SYT13: variants seen among roughly 807,000 people sequenced by gnomAD.
SYT13 encodes the protein synaptotagmin-13.
A neutral mutation model predicts 38.6 loss-of-function variants in SYT13; 21 were observed. That is an observed-to-expected ratio of 0.54 (90% CI 0.39 to 0.78). The LOEUF is 0.78. SYT13 is among the 30% of genes least tolerant of loss of function. SYT13 has a pLI of 0.00. For missense variants in SYT13, 495 were observed against 548.7 expected (o/e 0.90, Z 0.98); for synonymous variants, 241 against 237.6 (o/e 1.01, Z -0.13).
chr11:45,283,494 C>T (rs896413448), intron 1 of SYT13, among the ~76,000 whole-genome samples: 3 of 152,220 alleles, frequency 2.0e-5, no homozygotes, highest in African/African-American at 7.2e-5. Context: ...TTGCCACCCT[C>T]TTTACTTGCT....
Position 45,243,782 on chromosome 11 carries a change from T to C in SYT13, c.*270A>G, listed in dbSNP as rs944990827. ...TCTCTGCATCTGGCCTAACCCCACC[T>C]ATAAAACAGGCATAGGAACTGTATT... On this transcript the variant is annotated 3_prime_UTR_variant, in exon 6 of 6. Transcript: ENST00000020926. 2.6e-6 allele frequency: 1 copy of C among 391,188 alleles called. No individual in the cohort carries two copies. Among genetic ancestry groups the C allele is most frequent in the Non-Finnish European group, 4.5e-6 (1 of 220,224 alleles). 24.2% of individuals were successfully genotyped at this position (391,188 alleles called of 1,614,324 possible). A position where few individuals can be genotyped will look rare whatever the true frequency, so the allele number is the denominator to read the frequency against.
chr11:45,263,269 C>A (rs187829717), intron 1 of SYT13, among the ~76,000 whole-genome samples: 1 of 152,208 alleles, frequency 6.6e-6, no homozygotes, highest in East Asian at 1.9e-4. Context: ...TGCTGTCCTT[C>A]CCTTATGGGG....
intron 1 of SYT13, among the ~76,000 whole-genome samples, chr11:45,275,380 A>G (rs541163272): frequency 8.9e-4 from 135 of 152,240 alleles, no homozygotes; most frequent in African/African-American, 3.2e-3. Context: ...TCTCTCCTTT[A>G]CGCTTGTTTT....
At chr11:45,276,116 A>G (rs1489599999) in intron 1 of SYT13, among the ~76,000 whole-genome samples, 3 of 152,208 alleles carry the variant, frequency 2.0e-5, no homozygotes, top group Non-Finnish European at 2.9e-5. Context: ...TCATTCTTCT[A>G]TAAAGACACG....
chr11:45,272,150 A>T (rs1854957191), intron 1 of SYT13, among the ~76,000 whole-genome samples: 1 of 152,146 alleles, frequency 6.6e-6, no homozygotes, highest in African/African-American at 2.4e-5. Context: ...AACAATGAGA[A>T]CACATGGACA....
In SYT13 at chr11:45,244,354, C is replaced by T. The variant is rs1854589916; in HGVS notation, c.979G>A (p.Val327Ile). The change falls in exon 6 of 6, where the codon GTC becomes ATC. Residue 327 changes from valine to isoleucine, a missense_variant and splice_region_variant. Coordinates refer to ENST00000020926, the MANE Select transcript of SYT13 (RefSeq NM_020826.3). ...NQSKELLGKDVSVKVTLKHQA... is the reference protein window; with the variant it reads ...NQSKELLGKDISVKVTLKHQA... ...TGCTTCAAGGTCACCTTGACAGAGACATCTGGGGAGGGGCAGAGGGGAAAA... is the reference window on the plus strand; with the variant it reads ...TGCTTCAAGGTCACCTTGACAGAGATATCTGGGGAGGGGCAGAGGGGAAAA... 1.2e-6 allele frequency: 2 copies of T among 1,611,446 alleles called. No individual in the cohort carries two copies. The highest frequency in any genetic ancestry group is 8.5e-7 in the Non-Finnish European group (1 of 1,178,292).
intron 1 of SYT13, among the ~76,000 whole-genome samples, chr11:45,272,371 A>C (rs1854960045): frequency 6.6e-6 from 1 of 152,244 alleles, no homozygotes; most frequent in Non-Finnish European, 1.5e-5. Flanking sequence ...AGAAAAAAGC[A>C]GAACCCCTGT....
chr11:45,277,222 TG>T (rs1288394894), intron 1 of SYT13, among the ~76,000 whole-genome samples: 10 of 149,586 alleles, frequency 6.7e-5, no homozygotes, highest in African/African-American at 2.6e-4. Context: ...AAAAACAGAT[TG>T]GAGGAGGGCG....
intron 2 of SYT13, 144 bp from the exon 3 acceptor site, chr11:45,254,548 G>T: frequency 1.7e-6 from 2 of 1,167,594 alleles, no homozygotes; most frequent in Non-Finnish European, 2.3e-6. Flanking sequence ...GCCACACCAA[G>T]ACAACAGGTG....
intron 4 of SYT13, among the ~76,000 whole-genome samples, chr11:45,251,829 C>A (rs1854680219): frequency 6.6e-6 from 1 of 152,228 alleles, no homozygotes; most frequent in South Asian, 2.1e-4. Context: ...CATGGACCAC[C>A]GGGCTCTGGG....
At chr11:45,277,622 G>A (rs543091706) in intron 1 of SYT13, among the ~76,000 whole-genome samples, 44 of 151,964 alleles carry the variant, frequency 2.9e-4, no homozygotes, top group African/African-American at 8.9e-4. Context: ...CCAGGCCCTC[G>A]TAAATGTTAG....
intron 1 of SYT13, among the ~76,000 whole-genome samples, chr11:45,269,964 T>G (rs1854929834): frequency 6.6e-6 from 1 of 152,216 alleles, no homozygotes; most frequent in Non-Finnish European, 1.5e-5. Context: ...ACTCATAAAC[T>G]GATGTATTTT....
At position 45,255,729 on chromosome 11, in the gene SYT13, G is replaced by C; in HGVS notation, c.346C>G (p.Pro116Ala). 1.2e-6 allele frequency: 2 copies of C among 1,614,154 alleles called. No homozygotes were observed. The highest frequency in any genetic ancestry group is 1.7e-6 in the Non-Finnish European group (2 of 1,180,018). The change falls in exon 2 of 6, where the codon CCC becomes GCC. Residue 116 changes from proline (P) to alanine (A), a missense_variant. Pro to Ala is a conservative substitution (Grantham distance 27). Transcript: ENST00000020926. The stretch of plus-strand genomic sequence containing the variant: ...CTCTTGAGGCGACTGTCATTCGGGG[G>C]TTGGGGGCTGGCAGGTGCAGTGGGC... Reference protein sequence around the residue: ...EEPTAPASPQPPNDSRLKRQV... With the variant: ...EEPTAPASPQAPNDSRLKRQV...
intron 4 of SYT13, among the ~76,000 whole-genome samples, chr11:45,247,966 C>T (rs1854633240): frequency 6.6e-6 from 1 of 152,212 alleles, no homozygotes. Context: ...CTAATGACAA[C>T]AGTCAAAACA....
chr11:45,274,633 A>G (rs976148363), intron 1 of SYT13, among the ~76,000 whole-genome samples: 1 of 152,240 alleles, frequency 6.6e-6, no homozygotes, highest in African/African-American at 2.4e-5. Context: ...TAAAGCTAAC[A>G]GAAGATATTC....
At chr11:45,262,843 A>G (rs1361854107) in intron 1 of SYT13, among the ~76,000 whole-genome samples, 1 of 152,154 alleles carries the variant, frequency 6.6e-6, no homozygotes, top group African/African-American at 2.4e-5. Flanking sequence ...ATAAAAAAAA[A>G]GAGAGAAAAA....
chr11:45,250,520 T>C (rs922387000), intron 4 of SYT13, among the ~76,000 whole-genome samples: 1 of 152,194 alleles, frequency 6.6e-6, no homozygotes, highest in African/African-American at 2.4e-5. Context: ...CTGTACCAAG[T>C]CTCAGAGCCC....
chr11:45,264,346 A>C (rs1282367355), intron 1 of SYT13, among the ~76,000 whole-genome samples: 2 of 152,202 alleles, frequency 1.3e-5, no homozygotes, highest in Non-Finnish European at 2.9e-5. Context: ...AGATTATGCA[A>C]ATGTGAGAAG....
chr11:45,285,586 C>G (rs1246389849), intron 1 of SYT13, among the ~76,000 whole-genome samples: 1 of 152,140 alleles, frequency 6.6e-6, no homozygotes, highest in African/African-American at 2.4e-5. Flanking sequence ...CACCACCCAT[C>G]TCCCTCTCAC....
Sources: allele counts gnomAD v4.1 joint callset (sites outside exome capture counted in the v4.1 genomes callset), GRCh38; gene constraint gnomAD v4.1.1; transcripts MANE v1.5; gene names NCBI Gene and HGNC (gene_info 2026-07-23, HGNC 2026-07-21).